DUX4: variants seen among roughly 807,000 people sequenced by gnomAD.
DUX4 encodes double homeobox protein 4.
intron 1 of DUX4, among the ~76,000 whole-genome samples, chr4:190,181,290 CGCCAGTAGGCAGAGCCTAAAGAAGAGT>C (rs1742561947): frequency 9.2e-6 from 1 of 108,672 alleles, no homozygotes; most frequent in African/African-American, 3.7e-5. Context: ...GTGACAATGC[CGCCAGTAGGCAGAGCCTAAAGAAGAGT>C]CCCATCCCCT....
At chr4:190,179,517 T>G (rs1742500753), downstream of DUX4, among the ~76,000 whole-genome samples, 447 of 128,594 alleles carry the variant, frequency 3.5e-3, no homozygotes, top group African/African-American at 6.3e-3. Context: ...ACAAGCCCCC[T>G]GTAGGCAGAG....
downstream of DUX4, among the ~76,000 whole-genome samples, chr4:190,178,267 TA>T (rs1742414195): frequency 4.0e-3 from 202 of 50,514 alleles, no homozygotes; most frequent in African/African-American, 6.5e-3. Context: ...GTGATCAGTG[TA>T]GAGATATGTC....
downstream of DUX4, among the ~76,000 whole-genome samples, chr4:190,178,444 C>T (rs1442232798): frequency 0.087 from 6,583 of 75,276 alleles, 1 homozygote; most frequent in South Asian, 0.16. Flanking sequence ...AGAGCTTAGA[C>T]AAGAGTTACA....
At chr4:190,181,624 AG>A (rs1227874386) in intron 1 of DUX4, among the ~76,000 whole-genome samples, 2 of 6,492 alleles carry the variant, frequency 3.1e-4, no homozygotes, top group Non-Finnish European at 5.6e-4. Flanking sequence ...GAGATATGTC[AG>A]AAAGCCCCCT....
In DUX4 at chr4:190,175,708, T is replaced by C; in HGVS notation, c.*298T>C. On this transcript the variant is annotated 3_prime_UTR_variant, in exon 2 of 2. Transcript: ENST00000565211. ...GGAGCTCGCTGGCCTCTCTGTGCCC[T>C]TGTTCTTCCGTGAAATTCTGGCTGA... The C allele has an allele frequency of 6.0e-6, 1 of 166,844 alleles. No homozygotes were observed. The allele number at this position is 166,844 out of a possible 1,614,324, so 10.3% of individuals were successfully genotyped here. A position where few individuals can be genotyped will look rare whatever the true frequency, so the allele number is the denominator to read the frequency against.
chr4:190,177,166 A>G (rs1742346663), downstream of DUX4, among the ~76,000 whole-genome samples: 411 of 126,672 alleles, frequency 3.2e-3, no homozygotes, highest in East Asian at 8.5e-3. Context: ...CACCTAGATG[A>G]TCTGTGCAGA....
At chr4:190,183,247 A>T (rs1742624446) in intron 1 of DUX4, 1 of 107,276 alleles carries the variant, frequency 9.3e-6, no homozygotes, top group Admixed American at 1.2e-4. Context: ...CTATTAAGAC[A>T]TGTTTGTCTT....
At chr4:190,181,632 C>CT (rs1742587211) in intron 1 of DUX4, among the ~76,000 whole-genome samples, 55 of 109,910 alleles carry the variant, frequency 5.0e-4, no homozygotes, top group Non-Finnish European at 6.2e-4. Context: ...TCAGAAAGCC[C>CT]CCTGTAGGCA....
downstream of DUX4, among the ~76,000 whole-genome samples, chr4:190,178,033 A>G (rs1579833678): frequency 6.6e-6 from 1 of 152,074 alleles, no homozygotes. Context: ...GATCCCAGAC[A>G]AGAGTTGCAT....
chr4:190,176,938 C>A (rs1476986838), downstream of DUX4, among the ~76,000 whole-genome samples: 2,270 of 29,188 alleles, frequency 0.078, 2 homozygotes, highest in East Asian at 0.16. Flanking sequence ...AGAGCCTAGA[C>A]AAGAGTTACT....
At chr4:190,182,363 G>T (rs1442076124) in intron 1 of DUX4, among the ~76,000 whole-genome samples, 1 of 80,312 alleles carries the variant, frequency 1.2e-5, no homozygotes, top group African/African-American at 3.1e-5. Context: ...TCGGGTTCAG[G>T]TTAAGAGTTA....
downstream of DUX4, among the ~76,000 whole-genome samples, chr4:190,178,773 C>CAGAGGTTACACAACAGTTACTGTACG (rs1742450178): frequency 1.3e-5 from 1 of 79,922 alleles, no homozygotes; most frequent in African/African-American, 4.5e-5. Flanking sequence ...CCCCTGTAGG[C>CAGAGGTTACACAACAGTTACTGTACG]CAAAGCCTAG....
chr4:190,181,531 C>CTCGGTGA (rs1742579623), intron 1 of DUX4, among the ~76,000 whole-genome samples: 1 of 131,766 alleles, frequency 7.6e-6, no homozygotes, highest in Non-Finnish European at 1.7e-5. Context: ...GTTACATCAC[C>CTCGGTGA]TCGGTGATCA....
At chr4:190,179,523 C>T (rs1742501381), downstream of DUX4, among the ~76,000 whole-genome samples, 709 of 125,670 alleles carry the variant, frequency 5.6e-3, no homozygotes, top group East Asian at 0.011. Context: ...CCCCTGTAGG[C>T]AGAGCCTAGA....
intron 1 of DUX4, chr4:190,182,134 G>A (rs1742603398): frequency 8.9e-6 from 1 of 112,554 alleles, no homozygotes; most frequent in Non-Finnish European, 2.1e-5. Context: ...CTAAACAAGA[G>A]TTACATCACC....
intron 1 of DUX4, chr4:190,183,175 A>G (rs1333591888): frequency 1.2e-5 from 1 of 83,898 alleles, no homozygotes; most frequent in East Asian, 4.8e-4. Flanking sequence ...TAGTGTAAAT[A>G]ATTTCACATT....
chr4:190,175,927 A>T (rs1367570226), downstream of DUX4: 10 of 124,210 alleles, frequency 8.1e-5, 1 homozygote, highest in South Asian at 2.5e-4. Flanking sequence ...GATTTACAGA[A>T]CTTCGGTGAT....
At chr4:190,175,335 T>A (rs1742226304) in intron 1 of DUX4, 51 bp downstream of exon 1, 2 of 106,870 alleles carry the variant, frequency 1.9e-5, no homozygotes, top group Admixed American at 1.1e-4. Flanking sequence ...GCCTGGGCTG[T>A]GGGAGCAGCC....
downstream of DUX4, among the ~76,000 whole-genome samples, chr4:190,176,718 A>T (rs1276577479): frequency 2.6e-3 from 212 of 82,478 alleles, 1 homozygote; most frequent in Admixed American, 3.4e-3. Flanking sequence ...ATGCCCATGT[A>T]GGCAGATCTA....
Sources: allele counts gnomAD v4.1 joint callset (sites outside exome capture counted in the v4.1 genomes callset), GRCh38; gene constraint gnomAD v4.1.1; transcripts MANE v1.5; gene names NCBI Gene and HGNC (gene_info 2026-07-23, HGNC 2026-07-21).